The following CNTNAP2 variants were observed in gnomAD, a reference collection of about 807,000 sequenced individuals.
CNTNAP2 encodes the protein contactin associated protein 2.
In CNTNAP2, 98 loss-of-function variants were observed where a neutral mutation model predicts 155.2. The observed-to-expected ratio is 0.63, with a 90% CI of 0.54 to 0.75. The LOEUF (loss-of-function observed/expected upper bound fraction) is 0.75, where lower values mean the gene tolerates loss of function less well. Ranked by LOEUF, CNTNAP2 falls within the 30% of genes least tolerant of loss-of-function variation. The pLI is 0.00. For synonymous variants in CNTNAP2, 651 were observed against 631.2 expected (o/e 1.03, Z -0.47); for missense variants, 1,727 against 1,688.1 (o/e 1.02, Z -0.40).
intron 4 of CNTNAP2, among the ~76,000 whole-genome samples, chr7:147,073,966 G>A (rs890732936): frequency 2.6e-5 from 4 of 152,078 alleles, no homozygotes; most frequent in African/African-American, 7.2e-5. Flanking sequence ...ATAAAGATGA[G>A]GCATTTCATT....
chr7:148,369,796 G>C (rs543580998), intron 21 of CNTNAP2, among the ~76,000 whole-genome samples: 1 of 151,976 alleles, frequency 6.6e-6, no homozygotes, highest in Non-Finnish European at 1.5e-5. Context: ...CCGGCTCTAC[G>C]CCCTGTGTGT....
intron 1 of CNTNAP2, among the ~76,000 whole-genome samples, chr7:146,224,215 A>T (rs573606407): frequency 6.6e-6 from 1 of 152,122 alleles, no homozygotes; most frequent in African/African-American, 2.4e-5. Context: ...CTCCATCTCT[A>T]TCTGTAGCAC....
chr7:147,342,557 A>G (rs778582671), intron 9 of CNTNAP2, among the ~76,000 whole-genome samples: 1 of 152,180 alleles, frequency 6.6e-6, no homozygotes, highest in African/African-American at 2.4e-5. Context: ...AAGATTCTAT[A>G]CTTATATGTG....
intron 1 of CNTNAP2, among the ~76,000 whole-genome samples, chr7:146,747,896 A>G (rs944065026): frequency 5.9e-5 from 9 of 152,122 alleles, no homozygotes; most frequent in African/African-American, 1.4e-4. Flanking sequence ...TTAAAAATGT[A>G]TTTTATAATA....
intron 8 of CNTNAP2, among the ~76,000 whole-genome samples, chr7:147,288,346 G>C (rs34748606): frequency 0.44 from 66,446 of 152,020 alleles, 15,371 homozygotes; most frequent in East Asian, 0.76. Flanking sequence ...TATACCCCTG[G>C]CACCTCAAAC....
rs1029039223 is a variant in CNTNAP2 at position 146,910,899 on chromosome 7, C to T, written c.402+70995C>T. ...CAAAATGGGAGAAAATTTTCGCAAC[C>T]TACTCATCTGACAAAGAGCTAATAT... On this transcript the variant is annotated intron_variant, in intron 3 of 23. Coordinates refer to ENST00000361727, the MANE Select transcript of CNTNAP2 (RefSeq NM_014141.6). Among the ~76,000 whole-genome samples the T allele has an allele frequency of 1.3e-4, 20 of 150,988 alleles. No homozygotes were observed. The East Asian group carries it at 1.9e-3, about 15-fold the overall frequency.
intron 1 of CNTNAP2, among the ~76,000 whole-genome samples, chr7:146,587,446 G>T (rs904164249): frequency 6.6e-6 from 1 of 152,152 alleles, no homozygotes; most frequent in African/African-American, 2.4e-5. Flanking sequence ...AAGACTAGGT[G>T]TAGGGCTGCA....
At chr7:146,651,606 TTTATA>T (rs1262080297) in intron 1 of CNTNAP2, among the ~76,000 whole-genome samples, 5 of 152,160 alleles carry the variant, frequency 3.3e-5, no homozygotes, top group African/African-American at 1.2e-4. Context: ...CTTAGTGTTG[TTTATA>T]TTATGAGATA....
intron 1 of CNTNAP2, among the ~76,000 whole-genome samples, chr7:146,646,492 A>G (rs1285573780): frequency 6.6e-6 from 1 of 152,226 alleles, no homozygotes; most frequent in African/African-American, 2.4e-5. Flanking sequence ...TGTAAATTAC[A>G]TAACATAAAT....
chr7:146,888,803 TCA>T (rs1795719961), intron 3 of CNTNAP2, among the ~76,000 whole-genome samples: 2 of 151,872 alleles, frequency 1.3e-5, no homozygotes, highest in South Asian at 4.2e-4. Context: ...ATAGTAAAAC[TCA>T]CAGAGAGTAG....
At chr7:146,961,469 G>A (rs530329012) in intron 3 of CNTNAP2, among the ~76,000 whole-genome samples, 8 of 152,268 alleles carry the variant, frequency 5.3e-5, no homozygotes, top group East Asian at 1.9e-4. Flanking sequence ...GAGAGCTGGG[G>A]CATTTGTCAT....
chr7:147,707,990 G>T (rs851721), intron 13 of CNTNAP2, among the ~76,000 whole-genome samples: 39,308 of 151,920 alleles, frequency 0.26, 5,275 homozygotes, highest in African/African-American at 0.3. Flanking sequence ...GACATAGAGT[G>T]GGGGAGAGAG....
At chr7:147,275,996 A>T (rs1226214584) in intron 8 of CNTNAP2, among the ~76,000 whole-genome samples, 1 of 151,862 alleles carries the variant, frequency 6.6e-6, no homozygotes, top group Non-Finnish European at 1.5e-5. Context: ...TCCTTTGATT[A>T]CTGGAATAAA....
intron 15 of CNTNAP2, 103 bp downstream of exon 15, chr7:147,978,092 C>A: frequency 6.9e-7 from 1 of 1,453,782 alleles, no homozygotes; most frequent in Non-Finnish European, 9.4e-7. Context: ...TCTCCTGTAG[C>A]TCCTACAGAA....
intron 17 of CNTNAP2, among the ~76,000 whole-genome samples, chr7:148,171,210 A>G (rs2116689477): frequency 6.6e-6 from 1 of 152,278 alleles, no homozygotes; most frequent in South Asian, 2.1e-4. Context: ...TATATAAGGT[A>G]CTGTATATAG....
intron 8 of CNTNAP2, among the ~76,000 whole-genome samples, chr7:147,281,642 C>G (rs952150148): frequency 1.3e-5 from 2 of 151,566 alleles, no homozygotes; most frequent in African/African-American, 4.8e-5. Flanking sequence ...CTAATATATT[C>G]ACATTTATTG....
At chr7:147,688,043 T>C (rs1336544990) in intron 13 of CNTNAP2, among the ~76,000 whole-genome samples, 2 of 152,182 alleles carry the variant, frequency 1.3e-5, no homozygotes, top group Admixed American at 1.3e-4. Context: ...TATGCTTCAT[T>C]GATGGATGAA....
intron 9 of CNTNAP2, among the ~76,000 whole-genome samples, chr7:147,391,953 T>G (rs1168675683): frequency 6.6e-6 from 1 of 152,132 alleles, no homozygotes; most frequent in Non-Finnish European, 1.5e-5. Flanking sequence ...TAGTTCTTCT[T>G]TAGCTTTTTC....
intron 2 of CNTNAP2, among the ~76,000 whole-genome samples, chr7:146,781,259 G>C (rs1446247465): frequency 1.3e-5 from 2 of 149,340 alleles, no homozygotes; most frequent in Non-Finnish European, 3.0e-5. Context: ...AAACACCCTA[G>C]GTGACAGGTT....
Sources: allele counts gnomAD v4.1 joint callset (sites outside exome capture counted in the v4.1 genomes callset), GRCh38; gene constraint gnomAD v4.1.1; transcripts MANE v1.5; gene names NCBI Gene and HGNC (gene_info 2026-07-23, HGNC 2026-07-21).